FNBP1L: variants seen among roughly 807,000 people sequenced by gnomAD.
FNBP1L encodes the protein formin-binding protein 1-like.
In FNBP1L, 36 loss-of-function variants were observed where a neutral mutation model predicts 91.2. That is an observed-to-expected ratio of 0.39 (90% CI 0.30 to 0.52). FNBP1L has a LOEUF of 0.52. FNBP1L is among the 20% of genes least tolerant of loss of function. FNBP1L has a pLI of 0.66. For missense variants in FNBP1L, 571 were observed against 732.1 expected (o/e 0.78, Z 2.54); for synonymous variants, 242 against 237.0 (o/e 1.02, Z -0.19).
At chr1:93,544,297 G>C (rs1672144736) in intron 12 of FNBP1L, 81 bp downstream of exon 12, 1 of 878,300 alleles carries the variant, frequency 1.1e-6, no homozygotes, top group Admixed American at 3.0e-5. Context: ...ATATACAGAA[G>C]GTTTAAAAAT....
At chr1:93,462,987 A>G (rs1231875095) in intron 1 of FNBP1L, among the ~76,000 whole-genome samples, 1 of 152,124 alleles carries the variant, frequency 6.6e-6, no homozygotes. Flanking sequence ...CTATTTATTC[A>G]TCAATCATTT....
chr1:93,511,827 G>A (rs1403954840), intron 2 of FNBP1L, among the ~76,000 whole-genome samples: 6 of 150,964 alleles, frequency 4.0e-5, no homozygotes, highest in Non-Finnish European at 7.4e-5. Flanking sequence ...TTAGCCGGGC[G>A]TAGTGGCGGG....
At chr1:93,505,579 C>T (rs532329222) in intron 2 of FNBP1L, among the ~76,000 whole-genome samples, 3 of 152,282 alleles carry the variant, frequency 2.0e-5, no homozygotes, top group Non-Finnish European at 2.9e-5. Context: ...AGTATAAGCA[C>T]GCTAGGGTAA....
At chr1:93,485,673 G>A (rs1024501967) in intron 1 of FNBP1L, among the ~76,000 whole-genome samples, 1 of 152,158 alleles carries the variant, frequency 6.6e-6, no homozygotes, top group Non-Finnish European at 1.5e-5. Context: ...CCAGTGCCAA[G>A]TACTATGTTA....
At chr1:93,531,801 A>G (rs368436621) in intron 7 of FNBP1L, among the ~76,000 whole-genome samples, 9 of 152,132 alleles carry the variant, frequency 5.9e-5, no homozygotes, top group African/African-American at 1.7e-4. Flanking sequence ...GGACCTTTCT[A>G]TGGAGCAATT....
chr1:93,489,704 AAAC>A (rs1186534618), intron 1 of FNBP1L, among the ~76,000 whole-genome samples: 1 of 152,198 alleles, frequency 6.6e-6, no homozygotes, highest in Non-Finnish European at 1.5e-5. Context: ...ATCTTTAAAA[AAAC>A]AACACCATGA....
intron 1 of FNBP1L, among the ~76,000 whole-genome samples, chr1:93,464,509 C>T (rs1010965392): frequency 6.6e-6 from 1 of 152,106 alleles, no homozygotes. Flanking sequence ...TTATATTTCT[C>T]TACTGTGTTC....
At chr1:93,483,976 C>T (rs369259067) in intron 1 of FNBP1L, among the ~76,000 whole-genome samples, 1 of 152,162 alleles carries the variant, frequency 6.6e-6, no homozygotes, top group African/African-American at 2.4e-5. Flanking sequence ...TTGCCCAGGC[C>T]AGAGTGCAGT....
intron 12 of FNBP1L, among the ~76,000 whole-genome samples, chr1:93,544,640 T>A (rs1258747234): frequency 6.6e-6 from 1 of 152,196 alleles, no homozygotes; most frequent in Non-Finnish European, 1.5e-5. Flanking sequence ...AGTTTACTTT[T>A]TTATTTCATT....
At chr1:93,455,891 T>C (rs1385562593) in intron 1 of FNBP1L, among the ~76,000 whole-genome samples, 1 of 152,240 alleles carries the variant, frequency 6.6e-6, no homozygotes, top group Admixed American at 6.5e-5. Context: ...TGTATTAACT[T>C]CTATGATTGG....
At chr1:93,502,338 A>C (rs1670463716) in intron 2 of FNBP1L, among the ~76,000 whole-genome samples, 1 of 152,202 alleles carries the variant, frequency 6.6e-6, no homozygotes, top group South Asian at 2.1e-4. Context: ...ACACTTGTTA[A>C]GAAGAGGATA....
chr1:93,451,245 C>T (rs918122565), intron 1 of FNBP1L, among the ~76,000 whole-genome samples: 2 of 152,114 alleles, frequency 1.3e-5, no homozygotes, highest in East Asian at 1.9e-4. Context: ...TTTCACAAAG[C>T]ACAGATTTTG....
intron 1 of FNBP1L, among the ~76,000 whole-genome samples, chr1:93,449,438 A>C (rs1668408844): frequency 6.6e-6 from 1 of 152,190 alleles, no homozygotes; most frequent in Non-Finnish European, 1.5e-5. Flanking sequence ...CTGCAGAGAA[A>C]GGGGAGAAAT....
At chr1:93,451,812 C>G (rs1383326337) in intron 1 of FNBP1L, among the ~76,000 whole-genome samples, 1 of 151,974 alleles carries the variant, frequency 6.6e-6, no homozygotes, top group African/African-American at 2.4e-5. Context: ...CCACCATGCC[C>G]GACTAATTTT....
intron 2 of FNBP1L, among the ~76,000 whole-genome samples, chr1:93,513,670 A>C (rs1035600876): frequency 6.6e-6 from 1 of 152,216 alleles, no homozygotes; most frequent in African/African-American, 2.4e-5. Context: ...GACAAAAACC[A>C]CATGATTATC....
In FNBP1L at chr1:93,552,645, A is replaced by G. The variant is rs1672449892; in HGVS notation, c.*229A>G. On this transcript the variant is annotated 3_prime_UTR_variant, in exon 17 of 17. Transcript: ENST00000271234. Reference sequence around the variant, plus strand: ...TAGTTCACAGTTATTCCCACAAAAGAAAAAGCCAACAATAGTGTACCATTT... The same window carrying G: ...TAGTTCACAGTTATTCCCACAAAAGGAAAAGCCAACAATAGTGTACCATTT... The G allele has an allele frequency of 4.7e-6, 2 of 429,094 alleles. No individual in the cohort carries two copies. The highest frequency in any genetic ancestry group is 2.0e-5 in the African/African-American group (1 of 48,962). 26.6% of individuals were successfully genotyped at this position (429,094 alleles called of 1,614,324 possible).
Position 93,536,436 on chromosome 1 carries a change from T to C in FNBP1L, c.1095T>C (p.Asn365=). The C allele has an allele frequency of 6.4e-7, 1 of 1,550,582 alleles. No homozygotes were observed. Among genetic ancestry groups the C allele is most frequent in the Non-Finnish European group, 8.7e-7 (1 of 1,146,350 alleles). Residue 365 remains asparagine (N), a synonymous_variant, in exon 10 of 17, where the codon AAT becomes AAC. Coordinates refer to ENST00000271234, the MANE Select transcript of FNBP1L (RefSeq NM_001164473.3). ...TTGAGCCCGTGCATTATTGTATGAA[T>C]GAAATAAAAACAGGGAAGCCCAGAA... is the stretch of plus-strand genomic sequence containing the variant. ...FSIEPVHYCM[N]EIKTGKPRIP...
chr1:93,537,421 A>AT (rs1557816843), intron 10 of FNBP1L, among the ~76,000 whole-genome samples: 1 of 149,434 alleles, frequency 6.7e-6, no homozygotes, highest in Non-Finnish European at 1.5e-5. Context: ...CTTCCCTTCT[A>AT]TTTTTCTTCC....
intron 4 of FNBP1L, among the ~76,000 whole-genome samples, chr1:93,523,952 T>C (rs1671418391): frequency 6.6e-6 from 1 of 152,188 alleles, no homozygotes; most frequent in South Asian, 2.1e-4. Context: ...CCTGCAATAT[T>C]TATCTGACCT....
Sources: allele counts gnomAD v4.1 joint callset (sites outside exome capture counted in the v4.1 genomes callset), GRCh38; gene constraint gnomAD v4.1.1; transcripts MANE v1.5; gene names NCBI Gene and HGNC (gene_info 2026-07-23, HGNC 2026-07-21).